The following KIAA1217 variants were observed in gnomAD, a reference collection of about 807,000 sequenced individuals.
KIAA1217 encodes sickle tail protein homolog.
Under a neutral mutation model 163.9 loss-of-function variants are expected in KIAA1217, and 88 were observed. The ratio of observed to expected loss-of-function variants is 0.54; its 90% CI spans 0.45 to 0.64. The LOEUF is 0.64. Among genes scored for constraint, KIAA1217 ranks in the 30% least tolerant of loss-of-function variants. The pLI is 0.00. For synonymous variants in KIAA1217, 903 were observed against 923.1 expected (o/e 0.98, Z 0.39); for missense variants, 2,372 against 2,475.0 (o/e 0.96, Z 0.88).
intron 2 of KIAA1217, among the ~76,000 whole-genome samples, chr10:24,065,267 C>T (rs569675580): frequency 7.9e-5 from 12 of 152,016 alleles, no homozygotes; most frequent in Non-Finnish European, 1.8e-4. Context: ...CCTGCTTTCT[C>T]TTGTGGGCAT....
intron 3 of KIAA1217, among the ~76,000 whole-genome samples, chr10:24,385,819 A>C (rs2053934117): frequency 6.6e-6 from 1 of 152,196 alleles, no homozygotes; most frequent in Non-Finnish European, 1.5e-5. Flanking sequence ...CTTCCAATAG[A>C]ATTTGGTTGC....
rs546159203 is a variant in KIAA1217 at position 24,517,727 on chromosome 10, A to G, written c.2178-2396A>G. Among the ~76,000 whole-genome samples the G allele has an allele frequency of 2.6e-5, 4 of 152,252 alleles. No homozygotes were observed. The South Asian group carries it at 8.3e-4, about 32-fold the overall frequency. ...GTGAAGAGATGGGCTGGGCACAGTGATTCACACCTATAATCCCAGCACTTT... is the reference window on the plus strand; with the variant it reads ...GTGAAGAGATGGGCTGGGCACAGTGGTTCACACCTATAATCCCAGCACTTT... On this transcript the variant is annotated intron_variant, in intron 10 of 20. Coordinates refer to ENST00000376454, the MANE Select transcript of KIAA1217 (RefSeq NM_019590.5).
chr10:24,142,299 G>T (rs2064119899), intron 2 of KIAA1217, among the ~76,000 whole-genome samples: 1 of 152,132 alleles, frequency 6.6e-6, no homozygotes, highest in Non-Finnish European at 1.5e-5. Flanking sequence ...TAAATTGAGG[G>T]GGCTACATGA....
chr10:23,742,833 A>C (rs926125242), intron 1 of KIAA1217, among the ~76,000 whole-genome samples: 1 of 152,196 alleles, frequency 6.6e-6, no homozygotes, highest in African/African-American at 2.4e-5. Flanking sequence ...TACAATGAAG[A>C]CTGAGAAATT....
chr10:23,698,987 A>T (rs529314886), intron 1 of KIAA1217, among the ~76,000 whole-genome samples: 19 of 152,218 alleles, frequency 1.2e-4, no homozygotes, highest in African/African-American at 4.6e-4. Flanking sequence ...CAGACTCCCA[A>T]AGTGCTGGGC....
At chr10:23,982,558 TC>T (rs1845815532) in intron 1 of KIAA1217, among the ~76,000 whole-genome samples, 1 of 146,756 alleles carries the variant, frequency 6.8e-6, no homozygotes, top group Non-Finnish European at 1.5e-5. Flanking sequence ...TCTCTCTCTC[TC>T]TCTCTCTCTC....
At chr10:24,239,694 TGTTTG>T (rs1224380066) in intron 2 of KIAA1217, among the ~76,000 whole-genome samples, 3,667 of 140,788 alleles carry the variant, frequency 0.026, 117 homozygotes, top group African/African-American at 0.081. Flanking sequence ...TGTGTGTGTG[TGTTTG>T]TGTGTGTGTG....
In KIAA1217 at chr10:24,545,019, C is replaced by G. The variant is rs145794379; in HGVS notation, c.5250C>G (p.Val1750=). The G allele has an allele frequency of 7.4e-5, 120 of 1,614,026 alleles. No homozygotes were observed. Among genetic ancestry groups the G allele is most frequent in the Middle Eastern group, 1.6e-4 (1 of 6,084 alleles). ...SGAPQTSRMP[V]PMSAKNRPGT... ...CCCCACAGACGAGCAGGATGCCTGT[C>G]CCCATGAGTGCCAAGAACAGACCCG... is the stretch of plus-strand genomic sequence containing the variant. The change falls in exon 20 of 21, where the codon GTC becomes GTG. Residue 1750 remains valine, a synonymous_variant. Transcript: ENST00000376454.
intron 1 of KIAA1217, among the ~76,000 whole-genome samples, chr10:23,858,313 G>A (rs1260710545): frequency 1.3e-5 from 2 of 152,098 alleles, no homozygotes; most frequent in Non-Finnish European, 2.9e-5. Flanking sequence ...AACCCAGCAT[G>A]ATGACAGTTG....
intron 1 of KIAA1217, among the ~76,000 whole-genome samples, chr10:23,783,766 TG>T (rs1380752560): frequency 3.3e-5 from 5 of 152,112 alleles, no homozygotes; most frequent in Non-Finnish European, 7.4e-5. Flanking sequence ...TCGGGCTTTT[TG>T]TTTCTTCCTG....
chr10:24,473,633 C>G lies in KIAA1217; in HGVS notation c.1252C>G (p.Pro418Ala), dbSNP rs1442339362. The G allele has an allele frequency of 1.2e-6, 2 of 1,613,930 alleles. No individual in the cohort carries two copies. The highest frequency in any genetic ancestry group is 2.7e-5 in the African/African-American group (2 of 74,882). ...CCATGGTGGACACCCACTGGATGTCCCCGACCACATCATTGCATATCACCG... is the reference window on the plus strand; with the variant it reads ...CCATGGTGGACACCCACTGGATGTCGCCGACCACATCATTGCATATCACCG... ...SSHGGHPLDV[P>A]DHIIAYHRTA... Residue 418 changes from proline (P) to alanine (A), a missense_variant, in exon 6 of 21, where the codon CCC (proline) becomes GCC (alanine). Physicochemically the swap from Pro to Ala is conservative, Grantham distance 27 (BLOSUM62 -1). This residue lies in a region of KIAA1217 where 1,431 missense variants were observed against 1,470.3 expected (regional missense o/e 0.97). Transcript: ENST00000376454.
chr10:24,322,526 A>T (rs921884475), intron 2 of KIAA1217, among the ~76,000 whole-genome samples: 1 of 152,358 alleles, frequency 6.6e-6, no homozygotes, highest in Middle Eastern at 3.4e-3. Context: ...GAATTGTTTC[A>T]GTGATAGAAA....
intron 1 of KIAA1217, among the ~76,000 whole-genome samples, chr10:23,800,258 T>G (rs752109710): frequency 2.6e-5 from 4 of 152,146 alleles, no homozygotes; most frequent in Non-Finnish European, 5.9e-5. Context: ...TTTTCCTCAG[T>G]GGATTTGAGG....
At chr10:23,984,800 T>C (rs932120654) in intron 1 of KIAA1217, among the ~76,000 whole-genome samples, 2 of 151,714 alleles carry the variant, frequency 1.3e-5, no homozygotes, top group Non-Finnish European at 2.9e-5. Flanking sequence ...TTAGGACAAG[T>C]ACCTAATGCA....
At position 24,511,172 on chromosome 10, in the gene KIAA1217, A is replaced by AAAAAG. The variant is rs1554918365; in HGVS notation, c.2002-2086_2002-2085insAAAGA. ...TGTCTCAAAAAAAAAAAAAAAAAAA[A>AAAAAG]AGGAGCCTGGCCCCTATGAAGAACT... On this transcript the variant is annotated intron_variant, in intron 9 of 20. Transcript: ENST00000376454. 9.2e-4 allele frequency among the ~76,000 whole-genome samples: 106 copies of AAAAAG among 115,670 alleles called. 14 individuals carry two copies. Among genetic ancestry groups the AAAAAG allele is most frequent in the East Asian group, 1.7e-3 (7 of 4,020 alleles). The allele number at this position is 115,670 out of a possible 152,430, so 75.9% of individuals were successfully genotyped here.
In KIAA1217 at chr10:23,844,467, T is replaced by C. The variant is rs559920853; in HGVS notation, c.-321+149233T>C. 4.6e-5 allele frequency among the ~76,000 whole-genome samples: 7 copies of C among 152,316 alleles called. No individual in the cohort carries two copies. In the East Asian group the frequency reaches 1.4e-3, roughly 29 times the overall value. ...ACTCAAATATTCCTTGCTGAGTTACTCATGACCTGTGTTGTCATATTCAAA... is the reference window on the plus strand; with the variant it reads ...ACTCAAATATTCCTTGCTGAGTTACCCATGACCTGTGTTGTCATATTCAAA... On this transcript the variant is annotated intron_variant, in intron 1 of 18. Coordinates refer to the KIAA1217 transcript ENST00000376462.
At chr10:23,935,305 A>G (rs968372470) in intron 1 of KIAA1217, among the ~76,000 whole-genome samples, 2 of 152,246 alleles carry the variant, frequency 1.3e-5, no homozygotes, top group South Asian at 4.1e-4. Context: ...TCAGGTCAAT[A>G]AGAATGGACA....
intron 5 of KIAA1217, among the ~76,000 whole-genome samples, chr10:24,447,989 G>T (rs1279389686): frequency 1.3e-5 from 2 of 152,034 alleles, no homozygotes; most frequent in Non-Finnish European, 2.9e-5. Flanking sequence ...AATTAGCTGG[G>T]TGTGGTGGCG....
chr10:23,922,717 C>G (rs1842891955), intron 1 of KIAA1217, among the ~76,000 whole-genome samples: 1 of 151,998 alleles, frequency 6.6e-6, no homozygotes, highest in Non-Finnish European at 1.5e-5. Flanking sequence ...GTCTTTGACT[C>G]AAGAGTGGAG....
Sources: allele counts gnomAD v4.1 joint callset (sites outside exome capture counted in the v4.1 genomes callset), GRCh38; gene constraint gnomAD v4.1.1; regional missense constraint gnomAD v4.1.1; transcripts MANE v1.5; gene names NCBI Gene and HGNC (gene_info 2026-07-23, HGNC 2026-07-21).